Variants in AUH observed in about 807,000 individuals in gnomAD.
AUH encodes the protein methylglutaconyl-CoA hydratase, mitochondrial.
Under a neutral mutation model 42.3 loss-of-function variants are expected in AUH, and 29 were observed. That is an observed-to-expected ratio of 0.69 (90% CI 0.51 to 0.93). The LOEUF is 0.93. Ranked by LOEUF, AUH falls within the 40% of genes least tolerant of loss-of-function variation. The pLI is 0.00. For synonymous variants in AUH, 174 were observed against 166.4 expected (o/e 1.05, Z -0.35); for missense variants, 452 against 438.1 (o/e 1.03, Z -0.28).
chr9:91,222,073 G>A (rs769666014), intron 6 of AUH, among the ~76,000 whole-genome samples: 3 of 152,126 alleles, frequency 2.0e-5, no homozygotes, highest in Non-Finnish European at 2.9e-5. Context: ...AAGTTCACTG[G>A]GTTTTACTTG....
At chr9:91,297,214 C>T (rs1053839830) in intron 5 of AUH, among the ~76,000 whole-genome samples, 1 of 152,236 alleles carries the variant, frequency 6.6e-6, no homozygotes, top group African/African-American at 2.4e-5. Flanking sequence ...GCTTCTCTCC[C>T]TTCTCCAGTT....
intron 6 of AUH, among the ~76,000 whole-genome samples, chr9:91,221,765 GAAT>G (rs1399519064): frequency 3.3e-5 from 5 of 152,202 alleles, no homozygotes; most frequent in Admixed American, 3.3e-4. Context: ...ATGTAGGTCA[GAAT>G]AGTTCTACAG....
chr9:91,333,596 AT>A (rs1340799694), intron 3 of AUH, among the ~76,000 whole-genome samples: 1 of 152,214 alleles, frequency 6.6e-6, no homozygotes, highest in Non-Finnish European at 1.5e-5. Context: ...ATATTCATGA[AT>A]GAGTATTATT....
At chr9:91,228,204 G>A (rs994896383) in intron 6 of AUH, among the ~76,000 whole-genome samples, 6 of 152,122 alleles carry the variant, frequency 3.9e-5, no homozygotes, top group African/African-American at 1.4e-4. Context: ...TGGTTGGTAA[G>A]CTATTGATTA....
At chr9:91,275,622 T>C (rs1039238231) in intron 6 of AUH, among the ~76,000 whole-genome samples, 12 of 152,208 alleles carry the variant, frequency 7.9e-5, no homozygotes, top group African/African-American at 2.9e-4. Flanking sequence ...GTTTGCTCCT[T>C]TGTTTTCATA....
chr9:91,293,799 TAGA>T (rs1486269203), intron 6 of AUH, among the ~76,000 whole-genome samples: 4 of 152,224 alleles, frequency 2.6e-5, no homozygotes, highest in East Asian at 1.9e-4. Context: ...AGCCTACTAT[TAGA>T]AGAAGATGTT....
At chr9:91,347,758 A>C (rs1254834593) in intron 3 of AUH, among the ~76,000 whole-genome samples, 1 of 152,178 alleles carries the variant, frequency 6.6e-6, no homozygotes, top group East Asian at 1.9e-4. Flanking sequence ...AAAACAGGAG[A>C]AAATCTTTCT....
At chr9:91,329,311 A>AAAAAAC (rs566490216) in intron 3 of AUH, among the ~76,000 whole-genome samples, 3,732 of 151,748 alleles carry the variant, frequency 0.025, 75 homozygotes, top group East Asian at 0.065. Flanking sequence ...AAAGAAAAAA[A>AAAAAAC]AAAAACAAAA....
chr9:91,276,544 A>G lies in AUH; in HGVS notation c.655+19477T>C, dbSNP rs527296954. Among the ~76,000 whole-genome samples, 36 of 152,334 alleles carry G rather than the reference A, an allele frequency of 2.4e-4. No homozygotes were observed. The South Asian group carries it at 7.5e-3, about 32-fold the overall frequency. ...TTATTTTGGACTCTTTTTCCAAACA[A>G]TAACAAACGAGAACAAAACACTGTA... On this transcript the variant is annotated intron_variant, in intron 6 of 9. Coordinates refer to ENST00000375731, the MANE Select transcript of AUH (RefSeq NM_001698.3).
At chr9:91,258,263 T>TA (rs1244905957) in intron 6 of AUH, among the ~76,000 whole-genome samples, 1 of 152,208 alleles carries the variant, frequency 6.6e-6, no homozygotes, top group African/African-American at 2.4e-5. Context: ...GTTTCACTCT[T>TA]ATACTCTTGT....
intron 3 of AUH, among the ~76,000 whole-genome samples, chr9:91,341,300 A>AG (rs1491369864): frequency 3.9e-5 from 6 of 152,000 alleles, no homozygotes; most frequent in Admixed American, 6.6e-5. Context: ...CCCACCCACT[A>AG]GGGGGGGCCC....
chr9:91,239,012 G>A (rs996285548), intron 6 of AUH, among the ~76,000 whole-genome samples: 1 of 152,178 alleles, frequency 6.6e-6, no homozygotes, highest in Non-Finnish European at 1.5e-5. Context: ...ATATTTACAT[G>A]TATTAAAATA....
intron 3 of AUH, among the ~76,000 whole-genome samples, chr9:91,334,491 C>T (rs1202667745): frequency 6.6e-6 from 1 of 152,204 alleles, no homozygotes; most frequent in Non-Finnish European, 1.5e-5. Flanking sequence ...ACTAGATTTA[C>T]ACTGGCTCCC....
chr9:91,261,564 C>T (rs981327156), intron 6 of AUH, among the ~76,000 whole-genome samples: 2 of 152,178 alleles, frequency 1.3e-5, no homozygotes, highest in Admixed American at 6.5e-5. Flanking sequence ...AATCACCAAC[C>T]AACTCAAGGT....
intron 6 of AUH, among the ~76,000 whole-genome samples, chr9:91,287,791 AAAT>A (rs1826533961): frequency 6.6e-6 from 1 of 152,142 alleles, no homozygotes; most frequent in African/African-American, 2.4e-5. Context: ...ATCATATATT[AAAT>A]AATATTACTA....
intron 1 of AUH, among the ~76,000 whole-genome samples, chr9:91,357,106 CA>C (rs1385296231): frequency 1.5e-4 from 23 of 152,312 alleles, no homozygotes; most frequent in African/African-American, 5.3e-4. Context: ...CAAATGCTCT[CA>C]GTACAGAGAA....
At position 91,216,158 on chromosome 9, in the gene AUH, G is replaced by A. The variant is rs774327019; in HGVS notation, c.895-52C>T. 5.9e-6 allele frequency: 9 copies of A among 1,527,314 alleles called. No individual in the cohort carries two copies. The South Asian group carries it at 9.0e-5, about 15-fold the overall frequency. The allele number at this position is 1,527,314 out of a possible 1,614,324, so 94.6% of individuals were successfully genotyped here. A position where few individuals can be genotyped will look rare whatever the true frequency, so the allele number is the denominator to read the frequency against. On this transcript the variant is annotated intron_variant, in intron 8 of 9. Coordinates refer to ENST00000375731, the MANE Select transcript of AUH (RefSeq NM_001698.3). ...AGCAGAAATAACTTTGCGAAATGTGGTATATTCAACAGAAATTCAAATTGA... is the reference window on the plus strand; with the variant it reads ...AGCAGAAATAACTTTGCGAAATGTGATATATTCAACAGAAATTCAAATTGA...
intron 4 of AUH, among the ~76,000 whole-genome samples, chr9:91,306,135 A>G (rs1030423496): frequency 1.3e-5 from 2 of 152,152 alleles, no homozygotes; most frequent in Non-Finnish European, 2.9e-5. Context: ...GGAAACCCCC[A>G]AAACCCACAG....
chr9:91,324,531 A>C (rs1829826664), intron 4 of AUH, among the ~76,000 whole-genome samples: 1 of 149,808 alleles, frequency 6.7e-6, no homozygotes, highest in African/African-American at 2.5e-5. Flanking sequence ...AAAAAAAAAA[A>C]AAAACTAAAA....
Sources: allele counts gnomAD v4.1 joint callset (sites outside exome capture counted in the v4.1 genomes callset), GRCh38; gene constraint gnomAD v4.1.1; transcripts MANE v1.5; gene names NCBI Gene and HGNC (gene_info 2026-07-23, HGNC 2026-07-21).